The following CEBPG variants were observed in gnomAD, a reference collection of about 807,000 sequenced individuals.
CEBPG encodes the protein CCAAT/enhancer-binding protein gamma.
CEBPG carries 6 observed loss-of-function variants against 11.1 expected under a neutral mutation model. The observed-to-expected ratio is 0.54, with a 90% CI of 0.30 to 1.07. CEBPG has a LOEUF of 1.07. CEBPG is among the 50% of genes least tolerant of loss of function. CEBPG has a pLI of 0.07. For missense variants in CEBPG, 161 were observed against 187.4 expected (o/e 0.86, Z 0.82); for synonymous variants, 66 against 71.0 (o/e 0.93, Z 0.36).
chr19:33,379,643 C>T lies in CEBPG; in HGVS notation c.404C>T (p.Ser135Phe). The change falls in exon 2 of 2, where the codon TCC becomes TTC. Residue 135 changes from serine (S) to phenylalanine (F), a missense_variant. By Grantham distance (155) the Ser-to-Phe change is radical. Coordinates refer to ENST00000284000, the MANE Select transcript of CEBPG (RefSeq NM_001806.4). ...CACAACCTTGCAGACAACGTACAGTCCATTAGCACTGAAAATACGACAGCA... is the reference window on the plus strand; with the variant it reads ...CACAACCTTGCAGACAACGTACAGTTCATTAGCACTGAAAATACGACAGCA... ...HAHNLADNVQSISTENTTADG... is the reference protein window; with the variant it reads ...HAHNLADNVQFISTENTTADG... 1 of 1,613,566 alleles carries T rather than the reference C, an allele frequency of 6.2e-7. No homozygotes were observed. The highest frequency in any genetic ancestry group is 8.5e-7 in the Non-Finnish European group (1 of 1,179,576).
intron 1 of CEBPG, among the ~76,000 whole-genome samples, chr19:33,378,098 T>C (rs930117571): frequency 6.6e-6 from 1 of 152,220 alleles, no homozygotes; most frequent in Admixed American, 6.5e-5. Context: ...CTGAACTTAG[T>C]TTGTCTTGAA....
In CEBPG at chr19:33,381,928, G is replaced by T. The variant is rs1967994662; in HGVS notation, c.*2236G>T. 6.0e-6 allele frequency: 1 copy of T among 167,116 alleles called. No individual in the cohort carries two copies. Among genetic ancestry groups the T allele is most frequent in the Non-Finnish European group, 1.5e-5 (1 of 68,124 alleles). 10.4% of individuals were successfully genotyped at this position (167,116 alleles called of 1,614,324 possible). A position where few individuals can be genotyped will look rare whatever the true frequency, so the allele number is the denominator to read the frequency against. ...TAAGCATGGTGTTGTCTATCTTATT[G>T]AAGTGGTTGGAAATGAAAGCTTTTA... On this transcript the variant is annotated 3_prime_UTR_variant, in exon 2 of 2. Coordinates refer to ENST00000284000, the MANE Select transcript of CEBPG (RefSeq NM_001806.4).
intron 1 of CEBPG, among the ~76,000 whole-genome samples, chr19:33,376,395 A>G (rs748000079): frequency 1.3e-5 from 2 of 152,224 alleles, no homozygotes; most frequent in African/African-American, 2.4e-5. Flanking sequence ...AACAAAGCCT[A>G]TTACCCACTT....
At chr19:33,374,651 G>C (rs890545968) in intron 1 of CEBPG, 1 of 152,298 alleles carries the variant, frequency 6.6e-6, no homozygotes, top group Non-Finnish European at 1.5e-5. Context: ...ATGTGTCGCG[G>C]GGGGAGGAGA....
rs1967876697 is a variant in CEBPG, at chr19:33,373,912, G to A, written c.-97+17G>A. On this transcript the variant is annotated intron_variant, in intron 1 of 1. Transcript: ENST00000284000. ...GAGGAGCAGGTAAGGAGGCTGCGGCGGGCGCCCTGAGAACGGGGAGGAGGA... is the reference window on the plus strand; with the variant it reads ...GAGGAGCAGGTAAGGAGGCTGCGGCAGGCGCCCTGAGAACGGGGAGGAGGA... The A allele has an allele frequency of 1.3e-5, 2 of 151,788 alleles. No homozygotes were observed. The highest frequency in any genetic ancestry group is 2.1e-4 in the South Asian group (1 of 4,830). The allele number at this position is 151,788 out of a possible 1,614,324, so 9.4% of individuals were successfully genotyped here.
intron 1 of CEBPG, among the ~76,000 whole-genome samples, chr19:33,375,963 G>A (rs574614997): frequency 6.6e-6 from 1 of 152,302 alleles, no homozygotes; most frequent in Admixed American, 6.5e-5. Flanking sequence ...GAGGTTGGAG[G>A]AAGCAGGCTA....
At chr19:33,379,101 C>T (rs1007178952) in intron 1 of CEBPG, 43 bp from the exon 2 acceptor site, 1 of 713,820 alleles carries the variant, frequency 1.4e-6, no homozygotes, top group African/African-American at 1.8e-5. Context: ...CTCATTTGAT[C>T]CTGTCATTTC....
chr19:33,375,287 CTA>C (rs1207992161), intron 1 of CEBPG, among the ~76,000 whole-genome samples: 3 of 152,294 alleles, frequency 2.0e-5, no homozygotes, highest in African/African-American at 4.8e-5. Context: ...AAATTAAACA[CTA>C]TGTGCTGAGC....
At chr19:33,376,877 T>G (rs1180442524) in intron 1 of CEBPG, among the ~76,000 whole-genome samples, 1 of 152,244 alleles carries the variant, frequency 6.6e-6, no homozygotes, top group East Asian at 1.9e-4. Context: ...TTTGATCCCC[T>G]TTTACTTGGT....
chr19:33,376,432 G>T (rs1395291427), intron 1 of CEBPG, among the ~76,000 whole-genome samples: 1 of 152,180 alleles, frequency 6.6e-6, no homozygotes, highest in African/African-American at 2.4e-5. Flanking sequence ...TATTCATTGG[G>T]AATCAGCAGC....
chr19:33,379,836 G>GC lies in CEBPG; in HGVS notation c.*144_*145insC. 1 of 675,014 alleles carries GC rather than the reference G, an allele frequency of 1.5e-6. No individual in the cohort carries two copies. Among genetic ancestry groups the GC allele is most frequent in the Non-Finnish European group, 2.4e-6 (1 of 409,568 alleles). The allele number at this position is 675,014 out of a possible 1,614,324, so 41.8% of individuals were successfully genotyped here. Reference sequence around the variant, plus strand: ...GCTATTTTCTGGGATCAGCACTGAAGAGTTGATTAGCTAAAAATGTTAGCC... The same window carrying GC: ...GCTATTTTCTGGGATCAGCACTGAAGCAGTTGATTAGCTAAAAATGTTAGCC... On this transcript the variant is annotated 3_prime_UTR_variant, in exon 2 of 2. Coordinates refer to ENST00000284000, the MANE Select transcript of CEBPG (RefSeq NM_001806.4).
At chr19:33,375,163 T>TA (rs1568437106) in intron 1 of CEBPG, among the ~76,000 whole-genome samples, 1 of 152,178 alleles carries the variant, frequency 6.6e-6, no homozygotes, top group South Asian at 2.1e-4. Context: ...TACCTGCTTT[T>TA]AAAAAAAGTA....
Position 33,379,795 on chromosome 19 carries a change from C to G in CEBPG, c.*103C>G. 5 of 1,086,930 alleles carry G rather than the reference C, an allele frequency of 4.6e-6. No individual in the cohort carries two copies. The highest frequency in any genetic ancestry group is 1.7e-5 in the South Asian group (1 of 59,356). The allele number at this position is 1,086,930 out of a possible 1,614,324, so 67.3% of individuals were successfully genotyped here. On this transcript the variant is annotated 3_prime_UTR_variant, in exon 2 of 2. Coordinates refer to ENST00000284000, the MANE Select transcript of CEBPG (RefSeq NM_001806.4). ...CTGAAAGTTGTCCATTTCCATGACT[C>G]AAAGACCCATTGGAGGCTATTTTCT...
rs140948032 is a variant in CEBPG at position 33,379,897 on chromosome 19, T to A, written c.*205T>A. ...AATATCTGGTTTTAAATGATAGAGGTTTTTGTGGGAATCAAAATCCCCCAA... is the reference window on the plus strand; with the variant it reads ...AATATCTGGTTTTAAATGATAGAGGATTTTGTGGGAATCAAAATCCCCCAA... On this transcript the variant is annotated 3_prime_UTR_variant, in exon 2 of 2. Coordinates refer to ENST00000284000, the MANE Select transcript of CEBPG (RefSeq NM_001806.4). 1.4e-3 allele frequency: 656 copies of A among 479,086 alleles called. 4 individuals are homozygous for A. Among genetic ancestry groups the A allele is most frequent in the African/African-American group, 0.012 (591 of 50,870 alleles). The allele number at this position is 479,086 out of a possible 1,614,324, so 29.7% of individuals were successfully genotyped here. A position where few individuals can be genotyped will look rare whatever the true frequency, so the allele number is the denominator to read the frequency against.
At position 33,379,473 on chromosome 19, in the gene CEBPG, G is replaced by T; in HGVS notation, c.234G>T (p.Lys78Asn). 1 of 1,614,076 alleles carries T rather than the reference G, an allele frequency of 6.2e-7. No individual in the cohort carries two copies. The highest frequency in any genetic ancestry group is 8.5e-7 in the Non-Finnish European group (1 of 1,180,026). ...AGAGGAACAACATGGCTGTGAAAAA[G>T]AGCCGGTTGAAAAGCAAGCAGAAAG... ...RRERNNMAVK[K>N]SRLKSKQKAQ... Residue 78 changes from lysine (K) to asparagine (N), a missense_variant, in exon 2 of 2, where the codon AAG (lysine) becomes AAT (asparagine). Coordinates refer to ENST00000284000, the MANE Select transcript of CEBPG (RefSeq NM_001806.4).
rs142175017 is a variant in CEBPG at position 33,379,661 on chromosome 19, C to T, written c.422C>T (p.Thr141Met). 39 of 1,612,524 alleles carry T rather than the reference C, an allele frequency of 2.4e-5. No individual in the cohort carries two copies. The highest frequency in any genetic ancestry group is 3.0e-5 in the Non-Finnish European group (35 of 1,178,954). ...GTACAGTCCATTAGCACTGAAAATA[C>T]GACAGCAGATGGCGACAATGCAGGA... ...DNVQSISTENTTADGDNAGQ is the reference protein window; with the variant it reads ...DNVQSISTENMTADGDNAGQ The change falls in exon 2 of 2, where the codon ACG becomes ATG. Residue 141 changes from threonine to methionine, a missense_variant. Physicochemically the swap from Thr to Met is moderately conservative, Grantham distance 81. Coordinates refer to ENST00000284000, the MANE Select transcript of CEBPG (RefSeq NM_001806.4).
chr19:33,375,133 G>C (rs776209669), intron 1 of CEBPG, among the ~76,000 whole-genome samples: 1 of 152,192 alleles, frequency 6.6e-6, no homozygotes, highest in African/African-American at 2.4e-5. Context: ...GGCACACTTG[G>C]CTGGTTCAGT....
chr19:33,375,656 G>A (rs996521302), intron 1 of CEBPG, among the ~76,000 whole-genome samples: 10 of 152,296 alleles, frequency 6.6e-5, no homozygotes, highest in African/African-American at 2.4e-4. Context: ...TGTACTCCCA[G>A]AAAGGGGACG....
intron 1 of CEBPG, among the ~76,000 whole-genome samples, chr19:33,376,396 T>C (rs968592756): frequency 3.9e-5 from 6 of 152,210 alleles, no homozygotes; most frequent in Non-Finnish European, 8.8e-5. Flanking sequence ...ACAAAGCCTA[T>C]TACCCACTTA....
Sources: allele counts gnomAD v4.1 joint callset (sites outside exome capture counted in the v4.1 genomes callset), GRCh38; gene constraint gnomAD v4.1.1; transcripts MANE v1.5; gene names NCBI Gene and HGNC (gene_info 2026-07-23, HGNC 2026-07-21).